MS4A1: variants seen among roughly 807,000 people sequenced by gnomAD.
MS4A1 encodes the protein B-lymphocyte antigen CD20.
Under a neutral mutation model 26.5 loss-of-function variants are expected in MS4A1, and 16 were observed. The observed-to-expected ratio is 0.60, with a 90% CI of 0.41 to 0.92. The LOEUF (loss-of-function observed/expected upper bound fraction) is 0.92, where lower values mean the gene tolerates loss of function less well. Among genes scored for constraint, MS4A1 ranks in the 40% least tolerant of loss-of-function variants. The probability of loss-of-function intolerance (pLI) is 0.00; values close to 1 mark genes in which losing one functional copy is unlikely to be tolerated. For synonymous variants in MS4A1, 128 were observed against 117.6 expected (o/e 1.09, Z -0.57); for missense variants, 350 against 353.0 (o/e 0.99, Z 0.07).
chr11:60,458,642 C>G (rs2086223080), intron 1 of MS4A1, among the ~76,000 whole-genome samples: 1 of 152,166 alleles, frequency 6.6e-6, no homozygotes, highest in South Asian at 2.1e-4. Context: ...GGCACTAAGT[C>G]ATTGTGAACA....
rs1167875837 is a variant in MS4A1, at chr11:60,468,514, A to C, written c.*46A>C. The stretch of plus-strand genomic sequence containing the variant: ...TTTCCTTTTTTAAACATTAGTGTTC[A>C]TAGCTTCCAAGAGACATGCTGACTT... On this transcript the variant is annotated 3_prime_UTR_variant, in exon 8 of 8. Transcript: ENST00000345732. The C allele has an allele frequency of 4.5e-6, 7 of 1,560,830 alleles. No individual in the cohort carries two copies. The highest frequency in any genetic ancestry group is 6.2e-6 in the Non-Finnish European group (7 of 1,135,148).
Position 60,469,633 on chromosome 11 carries a change from A to G in MS4A1, c.*1165A>G, listed in dbSNP as rs1288304630. The G allele has an allele frequency of 6.6e-6, 1 of 152,190 alleles. No homozygotes were observed. Among genetic ancestry groups the G allele is most frequent in the Non-Finnish European group, 1.5e-5 (1 of 68,004 alleles). 9.4% of individuals were successfully genotyped at this position (152,190 alleles called of 1,614,324 possible). On this transcript the variant is annotated 3_prime_UTR_variant, in exon 8 of 8. Coordinates refer to ENST00000345732, the MANE Select transcript of MS4A1 (RefSeq NM_152866.3). The stretch of plus-strand genomic sequence containing the variant: ...AGACTTTCACCACATTTGGAAAACT[A>G]CTTGCATCATAAATATATAATAACT...
At chr11:60,458,604 A>G (rs1010975329) in intron 1 of MS4A1, among the ~76,000 whole-genome samples, 1 of 152,200 alleles carries the variant, frequency 6.6e-6, no homozygotes, top group East Asian at 1.9e-4. Context: ...TAATCTACCA[A>G]CTAGTCTTTG....
At chr11:60,466,926 C>T (rs750103813) in intron 6 of MS4A1, 33 bp from the exon 7 acceptor site, 3 of 1,590,892 alleles carry the variant, frequency 1.9e-6, no homozygotes, top group Non-Finnish European at 2.6e-6. Flanking sequence ...GCCATTATTA[C>T]ATTTTCACCT....
At chr11:60,465,864 A>G (rs969976948) in intron 5 of MS4A1, 57 bp from the exon 6 acceptor site, 2 of 1,379,880 alleles carry the variant, frequency 1.4e-6, no homozygotes, top group Non-Finnish European at 2.1e-6. Context: ...TCCCTCCCAG[A>G]TTATGTTTTC....
At position 60,466,961 on chromosome 11, in the gene MS4A1, C is replaced by A; in HGVS notation, c.576C>A (p.Gly192=). 6.2e-7 allele frequency: 1 copy of A among 1,613,914 alleles called. No individual in the cohort carries two copies. The highest frequency in any genetic ancestry group is 8.5e-7 in the Non-Finnish European group (1 of 1,179,810). The change falls in exon 7 of 8, where the codon GGC becomes GGA. Residue 192 remains glycine (G), a splice_region_variant and synonymous_variant. Coordinates refer to ENST00000345732, the MANE Select transcript of MS4A1 (RefSeq NM_152866.3). ...TTCATTCTTCTGTTGTTTTTCAGGGCATTTTGTCAGTGATGCTGATCTTTG... is the reference window on the plus strand; with the variant it reads ...TTCATTCTTCTGTTGTTTTTCAGGGAATTTTGTCAGTGATGCTGATCTTTG... ...YCYSIQSLFL[G]ILSVMLIFAF...
chr11:60,462,957 G>A (rs201506641), intron 3 of MS4A1, 45 bp from the exon 4 acceptor site: 121 of 1,610,348 alleles, frequency 7.5e-5, no homozygotes, highest in Non-Finnish European at 1.8e-5. Flanking sequence ...CCTGCTAGCA[G>A]TGATGATTTC....
In MS4A1 at chr11:60,469,670, T is replaced by C. The variant is rs957748421; in HGVS notation, c.*1202T>C. On this transcript the variant is annotated 3_prime_UTR_variant, in exon 8 of 8. Transcript: ENST00000345732. Reference sequence around the variant, plus strand: ...AATATATAATAACTGGTAGTTTATATGAAGCAGACACTAAGTGCTATAGAC... The same window carrying C: ...AATATATAATAACTGGTAGTTTATACGAAGCAGACACTAAGTGCTATAGAC... 6.6e-6 allele frequency: 1 copy of C among 152,156 alleles called. No individual in the cohort carries two copies. The highest frequency in any genetic ancestry group is 1.5e-5 in the Non-Finnish European group (1 of 67,994). The allele number at this position is 152,156 out of a possible 1,614,324, so 9.4% of individuals were successfully genotyped here.
chr11:60,464,984 C>A (rs1338159985), intron 5 of MS4A1, among the ~76,000 whole-genome samples: 8 of 152,190 alleles, frequency 5.3e-5, no homozygotes, highest in Non-Finnish European at 1.0e-4. Context: ...AAAAATTCCT[C>A]CCCCAACACT....
At chr11:60,462,647 G>T (rs760678011) in intron 3 of MS4A1, 114 bp downstream of exon 3, 24 of 1,398,442 alleles carry the variant, frequency 1.7e-5, no homozygotes, top group Non-Finnish European at 2.2e-5. Flanking sequence ...GATCCAACCT[G>T]ATGTCTTCTT....
intron 1 of MS4A1, 121 bp downstream of exon 1, chr11:60,456,066 AAT>A: frequency 6.6e-6 from 1 of 152,172 alleles, no homozygotes; most frequent in Non-Finnish European, 1.5e-5. Flanking sequence ...CAGACTTCCT[AAT>A]AGTTCTATGA....
chr11:60,463,981 G>C, intron 4 of MS4A1: 1 of 452,132 alleles, frequency 2.2e-6, no homozygotes, highest in Non-Finnish European at 4.1e-6. Flanking sequence ...TAAATTTATG[G>C]TATGAGTATT....
intron 5 of MS4A1, among the ~76,000 whole-genome samples, chr11:60,464,939 T>A (rs2086278399): frequency 6.6e-6 from 1 of 152,224 alleles, no homozygotes; most frequent in African/African-American, 2.4e-5. Context: ...TGATGCTGTA[T>A]GGATGAAAAG....
Position 60,463,042 on chromosome 11 carries a change from G to C in MS4A1, c.200G>C (p.Gly67Ala). 1.2e-6 allele frequency: 2 copies of C among 1,614,110 alleles called. No homozygotes were observed. The highest frequency in any genetic ancestry group is 1.7e-6 in the Non-Finnish European group (2 of 1,180,012). Residue 67 changes from glycine (G) to alanine (A), a missense_variant, in exon 4 of 8, where the codon GGG becomes GCG. Transcript: ENST00000345732. ...IMNGLFHIALGGLLMIPAGIY... is the reference protein window; with the variant it reads ...IMNGLFHIALAGLLMIPAGIY... ...AATGGGCTCTTCCACATTGCCCTGG[G>C]GGGTCTTCTGATGATCCCAGCAGGG...
intron 4 of MS4A1, chr11:60,464,009 G>T: frequency 3.9e-6 from 2 of 514,510 alleles, no homozygotes; most frequent in Non-Finnish European, 7.0e-6. Context: ...GAGGAAATTT[G>T]AGTTCTGTCT....
intron 6 of MS4A1, chr11:60,466,697 TTGATTCTTCAAC>T: frequency 2.1e-6 from 1 of 482,708 alleles, no homozygotes; most frequent in South Asian, 2.1e-5. Flanking sequence ...CTATACAGAA[TTGATTCTTCAAC>T]TGATTATTCA....
At position 60,466,137 on chromosome 11, in the gene MS4A1, A is replaced by G; in HGVS notation, c.553A>G (p.Ser185Gly). Residue 185 changes from serine to glycine, a missense_variant, in exon 6 of 8, where the codon AGC (serine) becomes GGC (glycine). Ser to Gly is a moderately conservative substitution (Grantham distance 56, BLOSUM62 0). Transcript: ENST00000345732. ...CTCCCCATCTACCCAATACTGTTAC[A>G]GCATACAATCTCTGTTCTTGGTAAG... The part of the protein sequence containing the change: ...KNSPSTQYCY[S>G]IQSLFLGILS... 1 of 1,611,012 alleles carries G rather than the reference A, an allele frequency of 6.2e-7. No homozygotes were observed. The highest frequency in any genetic ancestry group is 8.5e-7 in the Non-Finnish European group (1 of 1,177,202).
chr11:60,466,225 A>G (rs1462671142), intron 6 of MS4A1, 68 bp downstream of exon 6: 2 of 1,273,666 alleles, frequency 1.6e-6, no homozygotes, highest in Non-Finnish European at 2.3e-6. Flanking sequence ...GTTTATTATG[A>G]GCATGAACTC....
At chr11:60,466,559 T>C in intron 6 of MS4A1, 2 of 320,396 alleles carry the variant, frequency 6.2e-6, no homozygotes, top group Non-Finnish European at 1.2e-5. Context: ...CCCAAGGACT[T>C]TTAAATGTAG....
Sources: allele counts gnomAD v4.1 joint callset (sites outside exome capture counted in the v4.1 genomes callset), GRCh38; gene constraint gnomAD v4.1.1; transcripts MANE v1.5; gene names NCBI Gene and HGNC (gene_info 2026-07-23, HGNC 2026-07-21).